Variants in VAV1 observed in about 807,000 individuals in gnomAD.
VAV1 encodes vav guanine nucleotide exchange factor 1.
In VAV1, 33 loss-of-function variants were observed where a neutral mutation model predicts 128.1. The observed-to-expected ratio is 0.26, with a 90% CI of 0.20 to 0.34. VAV1 has a LOEUF of 0.34. Ranked by LOEUF, VAV1 falls within the 10% of genes least tolerant of loss-of-function variation. The probability of loss-of-function intolerance (pLI) is 1.00; values close to 1 mark genes in which losing one functional copy is unlikely to be tolerated. For missense variants in VAV1, 715 were observed against 1,093.7 expected (o/e 0.65, Z 4.88); for synonymous variants, 394 against 409.8 (o/e 0.96, Z 0.47).
Position 6,822,307 on chromosome 19 carries a change from G to A in VAV1, c.536G>A (p.Arg179His), listed in dbSNP as rs1166175893. ...GACGAGATCTATGAGGACCTCATGCGCTCGGAGCCCGTGTCCATGCCGGTG... is the reference window on the plus strand; with the variant it reads ...GACGAGATCTATGAGGACCTCATGCACTCGGAGCCCGTGTCCATGCCGGTG... Reference protein sequence around the residue: ...EGDEIYEDLMRSEPVSMPPKM... With the variant: ...EGDEIYEDLMHSEPVSMPPKM... Residue 179 changes from arginine (R) to histidine (H), a missense_variant, in exon 5 of 27, where the codon CGC becomes CAC. Arg to His is a conservative substitution (Grantham distance 29, BLOSUM62 0). Around this residue, in one of 3 missense-constraint regions of VAV1, gnomAD observed 302 missense variants for 477.8 expected, o/e 0.63. Transcript: ENST00000602142. The surrounding 1 kb of genome is among the most constrained non-coding windows in gnomAD (Gnocchi z 5.9). 3.8e-6 allele frequency: 6 copies of A among 1,583,896 alleles called. No homozygotes were observed. Among genetic ancestry groups the A allele is most frequent in the South Asian group, 2.3e-5 (2 of 86,444 alleles).
rs1970668173 is a variant in VAV1 at position 6,777,280 on chromosome 19, TCCATCCAG to T, written c.204+4271_204+4278del. 7.8e-6 allele frequency among the ~76,000 whole-genome samples: 1 copy of T among 128,308 alleles called. No individual in the cohort carries two copies. Among genetic ancestry groups the T allele is most frequent in the Non-Finnish European group, 1.7e-5 (1 of 58,922 alleles). 84.2% of individuals were successfully genotyped at this position (128,308 alleles called of 152,430 possible). Reference sequence around the variant, plus strand: ...ATCCATCCATCCATCCATCCATCCATCCATCCAGCAATGACAAGGTCTGCCAGGCCCTG... The same window carrying T: ...ATCCATCCATCCATCCATCCATCCATCAATGACAAGGTCTGCCAGGCCCTG... On this transcript the variant is annotated intron_variant, in intron 1 of 26. Coordinates refer to ENST00000602142, the MANE Select transcript of VAV1 (RefSeq NM_005428.4). This position sits in a 1 kb window ranked among gnomAD's most constrained non-coding sequence, Gnocchi z 4.4.
At position 6,822,626 on chromosome 19, in the gene VAV1, G is replaced by C. The variant is rs1971822092; in HGVS notation, c.654+112G>C. 2 of 891,632 alleles carry C rather than the reference G, an allele frequency of 2.2e-6. No individual in the cohort carries two copies. The highest frequency in any genetic ancestry group is 3.4e-6 in the Non-Finnish European group (2 of 596,934). 55.2% of individuals were successfully genotyped at this position (891,632 alleles called of 1,614,324 possible). ...CAGCTGAGGATTTCCTGCTCCCATC[G>C]CTTTTCCTTTCTGTGACTGTCTCCG... On this transcript the variant is annotated intron_variant, in intron 6 of 26. Transcript: ENST00000602142. The surrounding 1 kb of genome is among the most constrained non-coding windows in gnomAD (Gnocchi z 5.9).
chr19:6,806,169 C>T (rs919914392), intron 1 of VAV1, among the ~76,000 whole-genome samples: 2 of 152,162 alleles, frequency 1.3e-5, no homozygotes, highest in African/African-American at 4.8e-5. Context: ...TCACTGCAAC[C>T]TCCGCCACCC....
chr19:6,780,026 G>A (rs572373470), intron 1 of VAV1, among the ~76,000 whole-genome samples: 19 of 148,538 alleles, frequency 1.3e-4, no homozygotes, highest in Non-Finnish European at 2.7e-4. Flanking sequence ...CAGGAGAATG[G>A]CATGAACCTG....
chr19:6,836,108 A>AG (rs1972216422), intron 19 of VAV1: 1 of 217,094 alleles, frequency 4.6e-6, no homozygotes, highest in Admixed American at 5.2e-5. Context: ...TCCTGACCTC[A>AG]GGTGATCTTC....
intron 19 of VAV1, among the ~76,000 whole-genome samples, chr19:6,834,949 G>A (rs1028247400): frequency 2.1e-4 from 32 of 151,574 alleles, no homozygotes; most frequent in Non-Finnish European, 4.4e-4. Flanking sequence ...AAAAATTAGC[G>A]GGGTTCTTGC....
chr19:6,845,701 TA>T (rs1568316883), intron 22 of VAV1, among the ~76,000 whole-genome samples: 1 of 149,328 alleles, frequency 6.7e-6, no homozygotes, highest in African/African-American at 2.4e-5. Context: ...TTTATGTTTA[TA>T]TTATATTATA....
At chr19:6,821,429 A>G (rs1971780657) in intron 2 of VAV1, among the ~76,000 whole-genome samples, 193 bp from the exon 3 acceptor site, 1 of 152,084 alleles carries the variant, frequency 6.6e-6, no homozygotes, top group Admixed American at 6.6e-5. Flanking sequence ...AAAGAAAGAA[A>G]GAAAGATAGG....
At chr19:6,834,675 A>G (rs1972175175) in intron 19 of VAV1, among the ~76,000 whole-genome samples, 1 of 146,358 alleles carries the variant, frequency 6.8e-6, no homozygotes, top group Non-Finnish European at 1.5e-5. Context: ...ATATATTAAT[A>G]TATATTTATT....
chr19:6,844,964 C>T (rs1414990656), intron 22 of VAV1, among the ~76,000 whole-genome samples: 1 of 151,980 alleles, frequency 6.6e-6, no homozygotes, highest in African/African-American at 2.4e-5. Context: ...TGAGGTGAGT[C>T]GGGCAGTCAG....
At chr19:6,810,451 C>T (rs965508068) in intron 1 of VAV1, among the ~76,000 whole-genome samples, 16 of 152,120 alleles carry the variant, frequency 1.1e-4, no homozygotes, top group South Asian at 1.0e-3. Flanking sequence ...TGCCTTTAAT[C>T]CCAGCACTTT....
At position 6,833,446 on chromosome 19, in the gene VAV1, G is replaced by A. The variant is rs141451515; in HGVS notation, c.1611-82G>A. On this transcript the variant is annotated intron_variant, in intron 16 of 26. Coordinates refer to ENST00000602142, the MANE Select transcript of VAV1 (RefSeq NM_005428.4). ...CTCCTGATCTAAAGAGAACCCAAGG[G>A]GTCCCTTTATGTTTTTAGCAGAATA... The A allele has an allele frequency of 2.7e-4, 385 of 1,444,352 alleles. 2 individuals carry two copies. The African/African-American group carries it at 5.0e-3, about 19-fold the overall frequency. 89.5% of individuals were successfully genotyped at this position (1,444,352 alleles called of 1,614,324 possible).
Position 6,841,527 on chromosome 19 carries a change from T to A in VAV1, c.1981-1608T>A, listed in dbSNP as rs187433459. On this transcript the variant is annotated intron_variant, in intron 21 of 26. Transcript: ENST00000602142. ...GTTTTGCTCTGTCCCCAGGCTGGAG[T>A]GCAATGGAATGATCTCGGCTCACTG... is the stretch of plus-strand genomic sequence containing the variant. 2.9e-3 allele frequency among the ~76,000 whole-genome samples: 423 copies of A among 146,844 alleles called. 1 individual carries two copies. The highest frequency in any genetic ancestry group is 0.01 in the African/African-American group (413 of 39,736).
At position 6,821,869 on chromosome 19, in the gene VAV1, C is replaced by G. The variant is rs760145903; in HGVS notation, c.449+10C>G. 66 of 1,614,092 alleles carry G rather than the reference C, an allele frequency of 4.1e-5. No homozygotes were observed. Among genetic ancestry groups the G allele is most frequent in the Non-Finnish European group, 5.5e-5 (65 of 1,179,956 alleles). The stretch of plus-strand genomic sequence containing the variant: ...TGTCCGACCAGATCGAGTGAGTGCT[C>G]AGGCCTGTGGCCGCACAGCTCACTG... On this transcript the variant is annotated intron_variant, in intron 4 of 26. Transcript: ENST00000602142.
chr19:6,832,674 CTCCTCTTCTTTCTCT>C (rs1972110879), intron 15 of VAV1, among the ~76,000 whole-genome samples: 1 of 145,354 alleles, frequency 6.9e-6, no homozygotes, highest in African/African-American at 2.6e-5. Flanking sequence ...CCTCCTCTTC[CTCCTCTTCTTTCTCT>C]TCCTCCTCCC....
intron 21 of VAV1, among the ~76,000 whole-genome samples, chr19:6,841,943 C>T (rs1048174614): frequency 1.2e-4 from 18 of 151,432 alleles, no homozygotes; most frequent in Admixed American, 9.2e-4. Flanking sequence ...TGAGCACTTT[C>T]GGCCGGGCGC....
intron 1 of VAV1, among the ~76,000 whole-genome samples, chr19:6,793,226 C>T (rs894302887): frequency 6.6e-6 from 1 of 151,870 alleles, no homozygotes; most frequent in Admixed American, 6.6e-5. Flanking sequence ...CCCAGCTACT[C>T]CGGAGGCTGA....
chr19:6,784,249 C>A, intron 1 of VAV1: 1 of 648,200 alleles, frequency 1.5e-6, no homozygotes, highest in Middle Eastern at 2.4e-4. Flanking sequence ...AGAGTAAGAC[C>A]CTGTCTCTAA....
intron 1 of VAV1, among the ~76,000 whole-genome samples, chr19:6,816,222 G>T (rs1278744473): frequency 6.6e-6 from 1 of 151,996 alleles, no homozygotes; most frequent in Non-Finnish European, 1.5e-5. Flanking sequence ...TGGTTTCACC[G>T]TGTTAATCAG....
Sources: gnomAD v4.1 joint callset for allele counts (sites outside exome capture counted in the v4.1 genomes callset) on GRCh38, gnomAD v4.1.1 for gene constraint, gnomAD v4.1.1 regional missense constraint, Gnocchi (gnomAD v3.1) non-coding constraint, MANE v1.5 for transcripts, NCBI Gene and HGNC (gene_info 2026-07-23, HGNC 2026-07-21) for gene names.